OSBPL8: variants seen among roughly 807,000 people sequenced by gnomAD.
OSBPL8 encodes oxysterol-binding protein-related protein 8.
OSBPL8 carries 59 observed loss-of-function variants against 125.5 expected under a neutral mutation model. The observed-to-expected ratio is 0.47, with a 90% confidence interval of 0.38 to 0.58. OSBPL8 has a LOEUF of 0.58. OSBPL8 is among the 20% of genes least tolerant of loss of function. The probability of loss-of-function intolerance (pLI) is 0.00; values close to 1 mark genes in which losing one functional copy is unlikely to be tolerated. For synonymous variants in OSBPL8, 330 were observed against 338.9 expected, an observed-to-expected ratio of 0.97 and a Z score of 0.29; for missense variants, 758 against 1,047.8, an observed-to-expected ratio of 0.72 and a Z score of 3.82.
chr12:76,548,057 G>C (rs1347199850), intron 1 of OSBPL8, among the ~76,000 whole-genome samples: 2 of 152,080 alleles, frequency 1.3e-5, no homozygotes, highest in Non-Finnish European at 2.9e-5. Flanking sequence ...TAGTTCAATA[G>C]GCTCTGTTTC....
At chr12:76,433,888 T>C (rs2136599235) in intron 4 of OSBPL8, among the ~76,000 whole-genome samples, 1 of 149,518 alleles carries the variant, frequency 6.7e-6, no homozygotes. Context: ...CACAGGATAA[T>C]TGCTTGAACC....
intron 8 of OSBPL8, among the ~76,000 whole-genome samples, chr12:76,396,293 G>A (rs962876665): frequency 2.6e-5 from 4 of 152,010 alleles, no homozygotes; most frequent in Admixed American, 6.6e-5. Flanking sequence ...TTTCCTAGGT[G>A]TATGTGTATT....
intron 4 of OSBPL8, 149 bp downstream of exon 4, chr12:76,450,702 A>T (rs1389785401): frequency 1.6e-5 from 11 of 708,062 alleles, no homozygotes; most frequent in Admixed American, 3.3e-5. Context: ...AGTATTATAG[A>T]TGACCTAAAC....
intron 21 of OSBPL8, among the ~76,000 whole-genome samples, chr12:76,364,905 T>C (rs766980263): frequency 1.3e-5 from 2 of 152,168 alleles, no homozygotes; most frequent in African/African-American, 2.4e-5. Context: ...TGCAAAAAAA[T>C]AGGCTTGGAA....
intron 17 of OSBPL8, among the ~76,000 whole-genome samples, chr12:76,373,687 T>C (rs1952704960): frequency 6.6e-6 from 1 of 150,616 alleles, no homozygotes; most frequent in Non-Finnish European, 1.5e-5. Context: ...AAGATCACCC[T>C]GATATAACTG....
intron 1 of OSBPL8, among the ~76,000 whole-genome samples, chr12:76,499,998 G>C (rs150676747): frequency 1.3e-5 from 2 of 152,234 alleles, no homozygotes; most frequent in Non-Finnish European, 2.9e-5. Flanking sequence ...TTTCTTAAGA[G>C]TGTTCAAGCA....
At chr12:76,468,670 T>C (rs1047197844) in intron 2 of OSBPL8, among the ~76,000 whole-genome samples, 1 of 152,226 alleles carries the variant, frequency 6.6e-6, no homozygotes, top group Admixed American at 6.5e-5. Context: ...TCTCCAACTC[T>C]GACTTTCTAA....
chr12:76,375,528 C>T (rs531576821), intron 16 of OSBPL8, among the ~76,000 whole-genome samples, 158 bp from the exon 17 acceptor site: 1 of 152,230 alleles, frequency 6.6e-6, no homozygotes, highest in African/African-American at 2.4e-5. Context: ...ACAGTTGGTT[C>T]TGTAGGATAT....
Position 76,373,046 on chromosome 12 carries a change from C to T in OSBPL8, c.1917+298G>A, listed in dbSNP as rs575402253. On this transcript the variant is annotated intron_variant, in intron 18 of 23. Transcript: ENST00000261183. ...GGGCATGGCACCTATATACTCACCT[C>T]ATAGCGTTATATGTTATAAATATTA... 3.3e-5 allele frequency among the ~76,000 whole-genome samples: 5 copies of T among 152,230 alleles called. No homozygotes were observed. The South Asian group carries it at 6.2e-4, about 19-fold the overall frequency.
intron 5 of OSBPL8, among the ~76,000 whole-genome samples, chr12:76,406,017 A>G (rs545421857): frequency 6.6e-6 from 1 of 151,916 alleles, no homozygotes; most frequent in Non-Finnish European, 1.5e-5. Context: ...TAGTTTCTTC[A>G]TCTGTAAAAT....
intron 2 of OSBPL8, among the ~76,000 whole-genome samples, chr12:76,475,771 G>C (rs1425053218): frequency 6.6e-6 from 1 of 152,202 alleles, no homozygotes; most frequent in Non-Finnish European, 1.5e-5. Context: ...GGGAACAGGA[G>C]GAAGGGTTGG....
At chr12:76,362,467 T>C (rs1952243064) in intron 21 of OSBPL8, among the ~76,000 whole-genome samples, 2 of 152,172 alleles carry the variant, frequency 1.3e-5, no homozygotes, top group Non-Finnish European at 2.9e-5. Flanking sequence ...AAAAGGCCTT[T>C]AATAAAATTC....
chr12:76,379,015 C>T (rs1394904197), intron 15 of OSBPL8, among the ~76,000 whole-genome samples: 1 of 151,812 alleles, frequency 6.6e-6, no homozygotes, highest in Non-Finnish European at 1.5e-5. Flanking sequence ...GTGATCTGCC[C>T]ACCTTGGGTG....
In OSBPL8 at chr12:76,392,397, G is replaced by A. The variant is rs187076764; in HGVS notation, c.929+184C>T. 2.0e-3 allele frequency among the ~76,000 whole-genome samples: 311 copies of A among 152,182 alleles called. 1 individual carries two copies. The highest frequency in any genetic ancestry group is 7.1e-3 in the African/African-American group (296 of 41,498). On this transcript the variant is annotated intron_variant, in intron 10 of 23. Transcript: ENST00000261183. Reference sequence around the variant, plus strand: ...GTAAATCACGTTGGCTGGAATCAAGGAAATACATTTCTACACCTGATTATA... The same window carrying A: ...GTAAATCACGTTGGCTGGAATCAAGAAAATACATTTCTACACCTGATTATA...
In OSBPL8 at chr12:76,531,994, G is replaced by A. The variant is rs530108685; in HGVS notation, c.-68+27403C>T. On this transcript the variant is annotated intron_variant, in intron 1 of 23. Transcript: ENST00000261183. Reference sequence around the variant, plus strand: ...GGAGCTTGCAGTGAGCCGAGATCGCGCCACTGCACTCCAGCCTGGGCAAGA... The same window carrying A: ...GGAGCTTGCAGTGAGCCGAGATCGCACCACTGCACTCCAGCCTGGGCAAGA... Among the ~76,000 whole-genome samples the A allele has an allele frequency of 1.0e-4, 14 of 136,148 alleles. No homozygotes were observed. The East Asian group carries it at 2.9e-3, about 28-fold the overall frequency. 89.3% of individuals were successfully genotyped at this position (136,148 alleles called of 152,430 possible). A position where few individuals can be genotyped will look rare whatever the true frequency, so the allele number is the denominator to read the frequency against.
At chr12:76,444,790 T>C (rs140037596) in intron 4 of OSBPL8, among the ~76,000 whole-genome samples, 1 of 152,328 alleles carries the variant, frequency 6.6e-6, no homozygotes, top group Non-Finnish European at 1.5e-5. Flanking sequence ...GAGTGAAATC[T>C]ATATCTAAGC....
intron 12 of OSBPL8, 90 bp downstream of exon 12, chr12:76,389,555 T>C: frequency 9.0e-7 from 1 of 1,111,980 alleles, no homozygotes; most frequent in African/African-American, 1.6e-5. Flanking sequence ...GAGCCTGATT[T>C]TGGAAACAAA....
At chr12:76,537,669 G>A (rs571531834) in intron 1 of OSBPL8, among the ~76,000 whole-genome samples, 2 of 152,298 alleles carry the variant, frequency 1.3e-5, no homozygotes, top group Admixed American at 6.5e-5. Context: ...AACACTTTGG[G>A]AGGCTGAGGC....
In OSBPL8 at chr12:76,402,757, T is replaced by G. The variant is rs758695840; in HGVS notation, c.298A>C (p.Lys100Gln). The G allele has an allele frequency of 1.3e-6, 2 of 1,596,332 alleles. No individual in the cohort carries two copies. Among genetic ancestry groups the G allele is most frequent in the Non-Finnish European group, 1.7e-6 (2 of 1,165,484 alleles). Reference sequence around the variant, plus strand: ...TCCTTCTCTGAGCCATTATAAAGTTTAGATTCAGACTGAAATCATACAGAA... The same window carrying G: ...TCCTTCTCTGAGCCATTATAAAGTTGAGATTCAGACTGAAATCATACAGAA... ...LSMSKSKSES[K>Q]LYNGSEKDSS... Residue 100 changes from lysine (K) to glutamine (Q), a missense_variant, in exon 6 of 24, where the codon AAA (lysine) becomes CAA (glutamine). Physicochemically the swap from Lys to Gln is moderately conservative, Grantham distance 53 (BLOSUM62 1). This residue lies in a region of OSBPL8 where 117 missense variants were observed against 137.1 expected (regional missense o/e 0.85). Coordinates refer to ENST00000261183, the MANE Select transcript of OSBPL8 (RefSeq NM_020841.5).
Sources: gnomAD v4.1 joint callset for allele counts (sites outside exome capture counted in the v4.1 genomes callset) on GRCh38, gnomAD v4.1.1 for gene constraint, gnomAD v4.1.1 regional missense constraint, MANE v1.5 for transcripts, NCBI Gene and HGNC (gene_info 2026-07-23, HGNC 2026-07-21) for gene names.